CDH22: variants seen among roughly 807,000 people sequenced by gnomAD.
CDH22 encodes cadherin 22.
A neutral mutation model predicts 58.4 loss-of-function variants in CDH22; 30 were observed. The ratio of observed to expected loss-of-function variants is 0.51; its 90% CI spans 0.38 to 0.70. The LOEUF (loss-of-function observed/expected upper bound fraction) is 0.70. Among genes scored for constraint, CDH22 ranks in the 30% least tolerant of loss-of-function variants. The pLI, the probability that CDH22 is intolerant of heterozygous loss-of-function variation, is 0.00. For missense variants in CDH22, 1,014 were observed against 1,233.9 expected (o/e 0.82, Z 2.67); for synonymous variants, 513 against 558.2 (o/e 0.92, Z 1.14).
In CDH22 at chr20:46,210,174, GCCTC is replaced by G; in HGVS notation, c.1286+129_1286+132del. 1.1e-6 allele frequency: 1 copy of G among 941,534 alleles called. No individual in the cohort carries two copies. The highest frequency in any genetic ancestry group is 1.4e-6 in the Non-Finnish European group (1 of 695,856). The allele number at this position is 941,534 out of a possible 1,614,324, so 58.3% of individuals were successfully genotyped here. A position where few individuals can be genotyped will look rare whatever the true frequency, so the allele number is the denominator to read the frequency against. Reference sequence around the variant, plus strand: ...TCTCCACCCGTGCGCCTCTCTCCGCGCCTCCCTCCCCCACGCAGCCCCTTCCTTC... The same window carrying G: ...TCTCCACCCGTGCGCCTCTCTCCGCGCCTCCCCCACGCAGCCCCTTCCTTC... On this transcript the variant is annotated intron_variant, in intron 7 of 11. Transcript: ENST00000537909. The surrounding 1 kb of genome is among the most constrained non-coding windows in gnomAD (Gnocchi z 4.5).
At chr20:46,269,053 G>C (rs149241135) in intron 1 of CDH22, among the ~76,000 whole-genome samples, 82 of 152,298 alleles carry the variant, frequency 5.4e-4, no homozygotes, top group African/African-American at 1.9e-3. Context: ...AGACATAGTT[G>C]CCAAATAATT....
intron 1 of CDH22, among the ~76,000 whole-genome samples, chr20:46,293,081 G>A (rs1269744766): frequency 2.6e-5 from 4 of 152,138 alleles, no homozygotes; most frequent in Admixed American, 2.6e-4. Context: ...GAGTAAGTAA[G>A]AATGAATGAA....
At chr20:46,181,754 T>TC (rs59924908) in intron 10 of CDH22, among the ~76,000 whole-genome samples, 4,872 of 100,736 alleles carry the variant, frequency 0.048, 156 homozygotes, top group African/African-American at 0.059. Context: ...CTTCCTTCCT[T>TC]CTTTCTTTCT....
At chr20:46,272,359 C>T (rs989210116) in intron 1 of CDH22, among the ~76,000 whole-genome samples, 5 of 152,136 alleles carry the variant, frequency 3.3e-5, no homozygotes, top group African/African-American at 1.2e-4. Flanking sequence ...AGATGTGTCA[C>T]AGACAGTGGA....
chr20:46,201,160 G>C (rs376408968), intron 7 of CDH22, among the ~76,000 whole-genome samples: 72 of 152,374 alleles, frequency 4.7e-4, no homozygotes, highest in African/African-American at 1.7e-3. Context: ...GGCGCCGCGA[G>C]GCTGCGCGCG....
intron 1 of CDH22, among the ~76,000 whole-genome samples, chr20:46,264,949 G>A (rs550287571): frequency 6.6e-6 from 1 of 152,234 alleles, no homozygotes; most frequent in Non-Finnish European, 1.5e-5. Flanking sequence ...TCCTTGGCTA[G>A]CACTGCTCAC....
chr20:46,263,976 G>A (rs890967473), intron 1 of CDH22, among the ~76,000 whole-genome samples: 1 of 152,104 alleles, frequency 6.6e-6, no homozygotes, highest in Non-Finnish European at 1.5e-5. Flanking sequence ...AGGCTGGCGT[G>A]GGATGGAGAA....
intron 8 of CDH22, among the ~76,000 whole-genome samples, chr20:46,189,261 G>A (rs1275633430): frequency 1.3e-5 from 2 of 152,308 alleles, no homozygotes; most frequent in East Asian, 3.9e-4. Flanking sequence ...CTTTTCCAGG[G>A]CGAGAGATGG....
chr20:46,255,859 C>G (rs530756653), intron 1 of CDH22, among the ~76,000 whole-genome samples: 35 of 152,324 alleles, frequency 2.3e-4, no homozygotes, highest in Middle Eastern at 3.4e-3. Flanking sequence ...GGGACCGCCT[C>G]CCATGAGACC....
At chr20:46,205,530 G>T (rs553872993) in intron 7 of CDH22, among the ~76,000 whole-genome samples, 1 of 152,296 alleles carries the variant, frequency 6.6e-6, no homozygotes, top group South Asian at 2.1e-4. Flanking sequence ...GGAGTGCTGG[G>T]TGGAGAAAGG....
chr20:46,284,282 T>C (rs530027778), intron 1 of CDH22, among the ~76,000 whole-genome samples: 4 of 152,254 alleles, frequency 2.6e-5, no homozygotes, highest in East Asian at 1.9e-4. Context: ...GAACCCTGAT[T>C]GCAGTTCGTC....
chr20:46,266,898 G>A (rs182445024), intron 1 of CDH22, among the ~76,000 whole-genome samples: 1 of 147,314 alleles, frequency 6.8e-6, no homozygotes, highest in Admixed American at 7.0e-5. Flanking sequence ...CTAACAGGAA[G>A]GTCTATAGGG....
At chr20:46,265,635 T>C (rs2086455684) in intron 1 of CDH22, among the ~76,000 whole-genome samples, 1 of 152,212 alleles carries the variant, frequency 6.6e-6, no homozygotes, top group East Asian at 1.9e-4. Flanking sequence ...TTGTATATCA[T>C]ACTGAATGGT....
At chr20:46,253,033 CAG>C (rs1234584308) in intron 1 of CDH22, among the ~76,000 whole-genome samples, 2 of 152,118 alleles carry the variant, frequency 1.3e-5, no homozygotes, top group Non-Finnish European at 2.9e-5. Flanking sequence ...AGATTGTGAG[CAG>C]GGGTGTGTGT....
At chr20:46,299,473 C>A (rs1189402136) in intron 1 of CDH22, among the ~76,000 whole-genome samples, 1 of 152,246 alleles carries the variant, frequency 6.6e-6, no homozygotes, top group Non-Finnish European at 1.5e-5. Context: ...AGAGACACAA[C>A]CTTTGCCTTC....
intron 1 of CDH22, among the ~76,000 whole-genome samples, chr20:46,295,075 G>A (rs1198409900): frequency 1.3e-5 from 2 of 151,764 alleles, no homozygotes; most frequent in Non-Finnish European, 2.9e-5. Flanking sequence ...GAAGAGAACA[G>A]GCATGCGAGG....
chr20:46,181,752 C>CTTCGTTCGTTCTTTCTTTCTTTCTTTCT, intron 10 of CDH22, among the ~76,000 whole-genome samples: 5 of 26,272 alleles, frequency 1.9e-4, no homozygotes, highest in African/African-American at 1.3e-4. Context: ...TCCTTCCTTC[C>CTTCGTTCGTTCTTTCTTTCTTTCTTTCT]TTCTTTCTTT....
intron 1 of CDH22, among the ~76,000 whole-genome samples, chr20:46,252,053 C>T (rs931755639): frequency 7.2e-5 from 11 of 152,052 alleles, no homozygotes; most frequent in Admixed American, 1.3e-4. Flanking sequence ...CCTGCCCAGC[C>T]CCCAGAAATC....
chr20:46,236,983 G>A (rs964896062), intron 3 of CDH22, among the ~76,000 whole-genome samples: 3 of 152,136 alleles, frequency 2.0e-5, no homozygotes, highest in East Asian at 1.9e-4. Context: ...ATGGGCCACC[G>A]CACCTGGCCT....
Sources: gnomAD v4.1 joint callset for allele counts (sites outside exome capture counted in the v4.1 genomes callset) on GRCh38, gnomAD v4.1.1 for gene constraint, Gnocchi (gnomAD v3.1) non-coding constraint, MANE v1.5 for transcripts, NCBI Gene and HGNC (gene_info 2026-07-23, HGNC 2026-07-21) for gene names.